ALKBH3: variants seen among roughly 807,000 people sequenced by gnomAD.
The protein encoded by ALKBH3 is alkB homolog 3, alpha-ketoglutarate dependent dioxygenase.
A neutral mutation model predicts 43.9 loss-of-function variants in ALKBH3; 51 were observed. The observed-to-expected ratio is 1.16, with a 90% CI of 0.93 to 1.47. The LOEUF is 1.47. Among genes scored for constraint, ALKBH3 ranks in the 40% most tolerant of loss-of-function variants. The pLI is 0.00. For missense variants in ALKBH3, 361 were observed against 351.9 expected, an observed-to-expected ratio of 1.03 and a Z score of -0.21; for synonymous variants, 102 against 115.2, an observed-to-expected ratio of 0.89 and a Z score of 0.73.
rs117509864 is a variant in ALKBH3, at chr11:43,901,096, G to A, written c.460-420G>A. On this transcript the variant is annotated intron_variant, in intron 7 of 9. Coordinates refer to ENST00000302708, the MANE Select transcript of ALKBH3 (RefSeq NM_139178.4). ...AGCAGGAAAGTTGTTTCACTCTTCA[G>A]GCTTCAGTCTGGGTCTGCTGACTAC... is the stretch of plus-strand genomic sequence containing the variant. 4.2e-3 allele frequency among the ~76,000 whole-genome samples: 647 copies of A among 152,330 alleles called. 5 individuals are homozygous for A. The highest frequency in any genetic ancestry group is 0.01 in the Middle Eastern group (3 of 294).
chr11:43,886,478 A>T, intron 4 of ALKBH3, 128 bp from the exon 5 acceptor site: 6 of 766,072 alleles, frequency 7.8e-6, no homozygotes, highest in Non-Finnish European at 1.3e-5. Context: ...GGTGGGGATT[A>T]TGCCTCTCTC....
chr11:43,889,914 A>G, intron 6 of ALKBH3, 86 bp downstream of exon 6: 1 of 1,155,596 alleles, frequency 8.7e-7, no homozygotes, highest in South Asian at 1.4e-5. Flanking sequence ...TGCTCACCAA[A>G]GCTAGTCTTA....
Position 43,919,117 on chromosome 11 carries a change from C to G in ALKBH3, c.749C>G (p.Ala250Gly). ...GGGACCTTGTTAATCATGGAAGGAG[C>G]GACACAAGCTGACTGGCAGGTGAGG... Reference protein sequence around the residue: ...DHGTLLIMEGATQADWQHRVP... With the variant: ...DHGTLLIMEGGTQADWQHRVP... Residue 250 changes from alanine to glycine, a missense_variant, in exon 9 of 10, where the codon GCG becomes GGG. Coordinates refer to ENST00000302708, the MANE Select transcript of ALKBH3 (RefSeq NM_139178.4). The G allele has an allele frequency of 6.2e-7, 1 of 1,612,850 alleles. No individual in the cohort carries two copies. The highest frequency in any genetic ancestry group is 2.2e-5 in the East Asian group (1 of 44,864).
At chr11:43,919,793 T>G (rs746754493) in intron 9 of ALKBH3, 125 bp from the exon 10 acceptor site, 33 of 890,378 alleles carry the variant, frequency 3.7e-5, no homozygotes, top group Non-Finnish European at 5.4e-5. Flanking sequence ...TCAAAGAGCT[T>G]ACTACTCATT....
chr11:43,899,306 C>T, intron 7 of ALKBH3: 1 of 700,428 alleles, frequency 1.4e-6, no homozygotes, highest in Admixed American at 1.8e-5. Context: ...GTGGCCGGGC[C>T]TCTGCATCCT....
intron 2 of ALKBH3, 28 bp downstream of exon 2, chr11:43,882,759 G>C (rs1951720722): frequency 1.3e-6 from 2 of 1,593,692 alleles, no homozygotes; most frequent in Non-Finnish European, 1.7e-6. Flanking sequence ...TTTTGTGTGT[G>C]TGTGGATATG....
rs1428690358 is a variant in ALKBH3, at chr11:43,890,789, G to A, written c.370+961G>A. 4.6e-5 allele frequency among the ~76,000 whole-genome samples: 7 copies of A among 152,174 alleles called. No individual in the cohort carries two copies. The East Asian group carries it at 9.7e-4, about 21-fold the overall frequency. On this transcript the variant is annotated intron_variant, in intron 6 of 9. Transcript: ENST00000302708. ...TGAGGCAGGAGAATTGCTTGAATCC[G>A]GGAGGCAGAGGTTGCAGTGAGCCGA...
At chr11:43,894,084 G>T (rs193211429) in intron 7 of ALKBH3, among the ~76,000 whole-genome samples, 29 of 152,240 alleles carry the variant, frequency 1.9e-4, no homozygotes, top group African/African-American at 6.3e-4. Flanking sequence ...TTTAAAAATT[G>T]TCATTACCTG....
At position 43,883,134 on chromosome 11, in the gene ALKBH3, G is replaced by A. The variant is rs769872970; in HGVS notation, c.129G>A (p.Lys43=). 5.0e-6 allele frequency: 8 copies of A among 1,614,008 alleles called. No homozygotes were observed. Among genetic ancestry groups the A allele is most frequent in the Admixed American group, 1.7e-5 (1 of 59,998 alleles). Residue 43 remains lysine, a synonymous_variant, in exon 3 of 10, where the codon AAG becomes AAA. Coordinates refer to ENST00000302708, the MANE Select transcript of ALKBH3 (RefSeq NM_139178.4). The part of the protein sequence containing the change: ...HLHQKPGQTW[K]NKEHHLSDRE... ...ACCAGAAGCCTGGCCAGACCTGGAA[G>A]AACAAAGAGCATCATCTCTCTGACA... is the stretch of plus-strand genomic sequence containing the variant.
At chr11:43,907,280 T>C (rs1370133371) in intron 8 of ALKBH3, among the ~76,000 whole-genome samples, 1 of 152,060 alleles carries the variant, frequency 6.6e-6, no homozygotes, top group Non-Finnish European at 1.5e-5. Context: ...AAGACTTGAA[T>C]TATCTTCAGA....
intron 8 of ALKBH3, among the ~76,000 whole-genome samples, chr11:43,906,899 G>A (rs1388717454): frequency 6.6e-6 from 1 of 152,100 alleles, no homozygotes; most frequent in Non-Finnish European, 1.5e-5. Context: ...TTGATAATTG[G>A]TAGCTACTTC....
At chr11:43,904,625 G>A (rs527924067) in intron 8 of ALKBH3, among the ~76,000 whole-genome samples, 8 of 152,228 alleles carry the variant, frequency 5.3e-5, no homozygotes, top group Admixed American at 1.3e-4. Context: ...AGCTAAACTC[G>A]AAGTGCAGAA....
rs902656942 is a variant in ALKBH3, at chr11:43,901,605, T to C, written c.549T>C (p.Asn183=). ...FNSLLCNLYR[N]EKDSVDWHSD... is the part of the protein sequence containing the mutation. ...CCTTACTCTGCAATCTTTATCGCAA[T>C]GAGAAGGACAGCGTGGACTGGCACA... Residue 183 remains asparagine (N), a synonymous_variant, in exon 8 of 10, where the codon AAT becomes AAC. Coordinates refer to ENST00000302708, the MANE Select transcript of ALKBH3 (RefSeq NM_139178.4). 3 of 1,614,126 alleles carry C rather than the reference T, an allele frequency of 1.9e-6. No homozygotes were observed. Among genetic ancestry groups the C allele is most frequent in the Non-Finnish European group, 1.7e-6 (2 of 1,180,044 alleles).
chr11:43,919,488 G>C (rs1340996817), intron 9 of ALKBH3: 1 of 299,438 alleles, frequency 3.3e-6, no homozygotes, highest in Non-Finnish European at 6.2e-6. Flanking sequence ...AGGGTAGCTA[G>C]TGACTATCTT....
intron 8 of ALKBH3, among the ~76,000 whole-genome samples, chr11:43,914,156 G>C (rs1294904085): frequency 6.6e-6 from 1 of 152,232 alleles, no homozygotes; most frequent in Non-Finnish European, 1.5e-5. Context: ...TAGGATTTCA[G>C]AAGGAATAGA....
intron 8 of ALKBH3, among the ~76,000 whole-genome samples, chr11:43,916,087 C>G (rs1951981539): frequency 6.6e-6 from 1 of 152,160 alleles, no homozygotes; most frequent in African/African-American, 2.4e-5. Flanking sequence ...CTAAGACATT[C>G]TTTTAGGACA....
chr11:43,913,395 C>CA (rs1565130137), intron 8 of ALKBH3, among the ~76,000 whole-genome samples: 1 of 151,990 alleles, frequency 6.6e-6, no homozygotes, highest in Non-Finnish European at 1.5e-5. Context: ...ATTTGAAAGA[C>CA]CTAGATATAC....
rs1439456560 is a variant in ALKBH3, at chr11:43,888,085, C to CCA, written c.266+1432_266+1433insCA. Among the ~76,000 whole-genome samples the CCA allele has an allele frequency of 2.3e-3, 221 of 96,476 alleles. 3 individuals are homozygous for CCA. Among genetic ancestry groups the CCA allele is most frequent in the African/African-American group, 2.5e-3 (77 of 30,590 alleles). The allele number at this position is 96,476 out of a possible 152,430, so 63.3% of individuals were successfully genotyped here. ...GTGCTGGGATTACAGGCATGAGCCA[C>CCA]TGCGCCTGGCAGTCTTTCTGTTTTT... is the stretch of plus-strand genomic sequence containing the variant. On this transcript the variant is annotated intron_variant, in intron 5 of 9. Transcript: ENST00000302708.
At chr11:43,909,580 G>A (rs551205872) in intron 8 of ALKBH3, 10 of 152,320 alleles carry the variant, frequency 6.6e-5, no homozygotes, top group African/African-American at 2.4e-4. Flanking sequence ...ATAGCCATAA[G>A]TTGGGCAATA....
Sources: gnomAD v4.1 joint callset for allele counts (sites outside exome capture counted in the v4.1 genomes callset) on GRCh38, gnomAD v4.1.1 for gene constraint, MANE v1.5 for transcripts, NCBI Gene and HGNC (gene_info 2026-07-23, HGNC 2026-07-21) for gene names.